The following CD44 variants were observed in gnomAD, a reference collection of about 807,000 sequenced individuals.
The protein encoded by CD44 is CD44 molecule (IN blood group).
A neutral mutation model predicts 88.8 loss-of-function variants in CD44; 49 were observed. That is an observed-to-expected ratio of 0.55 (90% CI 0.44 to 0.70). The LOEUF is 0.70. CD44 is among the 30% of genes least tolerant of loss of function. CD44 has a pLI of 0.00. For synonymous variants in CD44, 325 were observed against 312.3 expected (o/e 1.04, Z -0.43); for missense variants, 883 against 913.8 (o/e 0.97, Z 0.43).
intron 7 of CD44, among the ~76,000 whole-genome samples, 175 bp from the exon 8 acceptor site, chr11:35,200,907 G>A (rs1947250072): frequency 6.6e-6 from 1 of 152,152 alleles, no homozygotes; most frequent in Non-Finnish European, 1.5e-5. Flanking sequence ...TTACCAATAT[G>A]GCTGAATTAA....
At chr11:35,206,455 G>A (rs993720706) in intron 11 of CD44, among the ~76,000 whole-genome samples, 7 of 151,980 alleles carry the variant, frequency 4.6e-5, no homozygotes, top group South Asian at 2.1e-4. Flanking sequence ...TTAGCAGGAG[G>A]GTTGGCAAAA....
At chr11:35,207,490 C>T (rs1947979937) in intron 11 of CD44, among the ~76,000 whole-genome samples, 1 of 152,208 alleles carries the variant, frequency 6.6e-6, no homozygotes, top group Non-Finnish European at 1.5e-5. Flanking sequence ...CTGCACTACT[C>T]AACATTGTAC....
chr11:35,173,254 C>A (rs1030750645), intron 1 of CD44, among the ~76,000 whole-genome samples: 1 of 152,232 alleles, frequency 6.6e-6, no homozygotes, highest in Admixed American at 6.5e-5. Context: ...TCAGCCTTAT[C>A]TTCAAGAAGC....
At chr11:35,151,352 C>T (rs1328404732) in intron 1 of CD44, among the ~76,000 whole-genome samples, 1 of 152,174 alleles carries the variant, frequency 6.6e-6, no homozygotes, top group Non-Finnish European at 1.5e-5. Flanking sequence ...CAGAAGTTCT[C>T]ATGAATCACC....
rs141428116 is a variant in CD44, at chr11:35,159,755, G to A, written c.68-16820G>A. Among the ~76,000 whole-genome samples, 248 of 152,316 alleles carry A rather than the reference G, an allele frequency of 1.6e-3. 2 individuals are homozygous for A. Among genetic ancestry groups the A allele is most frequent in the African/African-American group, 5.4e-3 (224 of 41,566 alleles). On this transcript the variant is annotated intron_variant, in intron 1 of 17. Transcript: ENST00000428726. ...AGAAACTGAGGCTCATAAAGCGGAC[G>A]TAACCTGCCTGAGATGTCTCAGCTT...
intron 1 of CD44, among the ~76,000 whole-genome samples, chr11:35,159,167 G>A (rs1405998111): frequency 6.6e-6 from 1 of 152,178 alleles, no homozygotes; most frequent in Non-Finnish European, 1.5e-5. Flanking sequence ...GAATTTCTTG[G>A]TTGCCAATGA....
intron 12 of CD44, 126 bp downstream of exon 12, chr11:35,208,332 G>A: frequency 2.9e-6 from 2 of 689,114 alleles, no homozygotes; most frequent in Admixed American, 4.2e-5. Flanking sequence ...AGCCCAGAGT[G>A]TGAAACTGTC....
rs376790876 is a variant in CD44, at chr11:35,206,068, C to T, written c.1283-44C>T. 245 of 1,559,102 alleles carry T rather than the reference C, an allele frequency of 1.6e-4. No individual in the cohort carries two copies. The African/African-American group carries it at 2.8e-3, about 18-fold the overall frequency. On this transcript the variant is annotated intron_variant, in intron 10 of 17. Coordinates refer to ENST00000428726, the MANE Select transcript of CD44 (RefSeq NM_000610.4). ...TAAAATCGGTGTATCCCTGACCAAG[C>T]GTCCATTAACACTTTGACAATTGCT...
At chr11:35,146,107 G>A (rs1426443903) in intron 1 of CD44, among the ~76,000 whole-genome samples, 1 of 152,176 alleles carries the variant, frequency 6.6e-6, no homozygotes, top group East Asian at 1.9e-4. Context: ...AGATCTCCCC[G>A]AGTTTGAGTT....
chr11:35,159,232 A>G (rs1942293499), intron 1 of CD44, among the ~76,000 whole-genome samples: 1 of 152,154 alleles, frequency 6.6e-6, no homozygotes, highest in African/African-American at 2.4e-5. Context: ...CAATTCTCTC[A>G]TCTCCAAAAA....
chr11:35,217,177 T>C (rs1042364091), intron 15 of CD44, among the ~76,000 whole-genome samples: 4 of 152,134 alleles, frequency 2.6e-5, no homozygotes, highest in Non-Finnish European at 4.4e-5. Context: ...TCTCTTTTGT[T>C]TGGCTTCTGA....
rs577969209 is a variant in CD44, at chr11:35,161,401, A to C, written c.68-15174A>C. Reference sequence around the variant, plus strand: ...TTCTTGGATCTTTCCGATCCAAGCCATATGGTTACTGCAATCTCACAATAC... The same window carrying C: ...TTCTTGGATCTTTCCGATCCAAGCCCTATGGTTACTGCAATCTCACAATAC... On this transcript the variant is annotated intron_variant, in intron 1 of 17. Transcript: ENST00000428726. Among the ~76,000 whole-genome samples the C allele has an allele frequency of 2.0e-5, 3 of 152,306 alleles. No homozygotes were observed. The South Asian group carries it at 6.2e-4, about 32-fold the overall frequency.
intron 2 of CD44, among the ~76,000 whole-genome samples, chr11:35,179,924 C>T (rs1944828061): frequency 1.3e-5 from 2 of 152,188 alleles, no homozygotes; most frequent in Non-Finnish European, 2.9e-5. Flanking sequence ...ATGAATCTTA[C>T]ATCAAAACTT....
chr11:35,208,509 G>A (rs1342528135), intron 12 of CD44, among the ~76,000 whole-genome samples: 1 of 152,138 alleles, frequency 6.6e-6, no homozygotes, highest in Non-Finnish European at 1.5e-5. Context: ...CCACTTCCAG[G>A]ATAGTGATTT....
At chr11:35,216,001 T>G (rs552714648) in intron 15 of CD44, among the ~76,000 whole-genome samples, 32 of 151,204 alleles carry the variant, frequency 2.1e-4, no homozygotes, top group African/African-American at 6.6e-4. Flanking sequence ...ATTATCCCCA[T>G]GTTACAGATG....
chr11:35,204,662 A>G (rs1210293336), intron 10 of CD44, 22 bp downstream of exon 10: 1 of 1,609,258 alleles, frequency 6.2e-7, no homozygotes, highest in Non-Finnish European at 8.5e-7. Flanking sequence ...TTTAACAAGT[A>G]AATTTGGATG....
At chr11:35,210,135 G>C in intron 13 of CD44, 81 bp downstream of exon 13, 1 of 746,688 alleles carries the variant, frequency 1.3e-6, no homozygotes, top group Admixed American at 2.9e-5. Flanking sequence ...GTCTTTGGTG[G>C]AGGTGCATCC....
intron 10 of CD44, 105 bp from the exon 11 acceptor site, chr11:35,206,007 A>G (rs1420739156): frequency 4.3e-6 from 6 of 1,388,840 alleles, no homozygotes; most frequent in Non-Finnish European, 5.6e-6. Flanking sequence ...AGATGGTTTC[A>G]TTGTCTTGTC....
chr11:35,163,104 A>T (rs527985960), intron 1 of CD44, among the ~76,000 whole-genome samples: 1 of 152,112 alleles, frequency 6.6e-6, no homozygotes, highest in Non-Finnish European at 1.5e-5. Flanking sequence ...GCATCACTTC[A>T]TTGCTAATAT....
Sources: gnomAD v4.1 joint callset for allele counts (sites outside exome capture counted in the v4.1 genomes callset) on GRCh38, gnomAD v4.1.1 for gene constraint, MANE v1.5 for transcripts, NCBI Gene and HGNC (gene_info 2026-07-23, HGNC 2026-07-21) for gene names.